The following SHANK2 variants were observed in gnomAD, a reference collection of about 807,000 sequenced individuals.
SHANK2 encodes the protein SH3 and multiple ankyrin repeat domains protein 2.
In SHANK2, 43 loss-of-function variants were observed where a neutral mutation model predicts 133.7. The observed-to-expected ratio is 0.32, with a 90% confidence interval of 0.25 to 0.41. The LOEUF (loss-of-function observed/expected upper bound fraction) is 0.41. Ranked by LOEUF, SHANK2 falls within the 10% of genes least tolerant of loss-of-function variation. SHANK2 has a pLI of 1.00. For missense variants in SHANK2, 1,994 were observed against 2,235.8 expected (o/e 0.89, Z 2.18); for synonymous variants, 1,017 against 952.8 (o/e 1.07, Z -1.24).
At chr11:70,562,142 C>T (rs537892899) in intron 17 of SHANK2, among the ~76,000 whole-genome samples, 59 of 152,236 alleles carry the variant, frequency 3.9e-4, no homozygotes, top group African/African-American at 8.7e-4. Context: ...AATACGATTC[C>T]GTTTTGGTTA....
intron 11 of SHANK2, among the ~76,000 whole-genome samples, chr11:70,867,024 A>G (rs1350898369): frequency 3.3e-5 from 5 of 151,986 alleles, no homozygotes; most frequent in African/African-American, 1.2e-4. Context: ...CAGGAGCCAA[A>G]CGAATGATAT....
At chr11:70,684,871 GGAA>G (rs1232171382) in intron 15 of SHANK2, among the ~76,000 whole-genome samples, 2 of 152,096 alleles carry the variant, frequency 1.3e-5, no homozygotes, top group African/African-American at 4.8e-5. Flanking sequence ...GTACCCTTTA[GGAA>G]GAAGAAGGGA....
intron 14 of SHANK2, among the ~76,000 whole-genome samples, chr11:70,729,056 T>C (rs144409263): frequency 0.012 from 1,856 of 151,894 alleles, 41 homozygotes; most frequent in African/African-American, 0.042. Context: ...AGTACAAAAT[T>C]AGCTGGGTGT....
At chr11:70,681,353 T>A (rs1211679502) in intron 15 of SHANK2, among the ~76,000 whole-genome samples, 2 of 152,186 alleles carry the variant, frequency 1.3e-5, no homozygotes, top group Non-Finnish European at 2.9e-5. Context: ...CATCATTTGA[T>A]GCTGCCAAAT....
chr11:70,828,776 G>C (rs755953087), intron 11 of SHANK2, among the ~76,000 whole-genome samples: 3 of 152,200 alleles, frequency 2.0e-5, no homozygotes, highest in Non-Finnish European at 2.9e-5. Flanking sequence ...TGGGGGACCC[G>C]GCTGGTCGTG....
chr11:70,816,115 A>G lies in SHANK2; in HGVS notation c.1493+4249T>C, dbSNP rs549369151. On this transcript the variant is annotated intron_variant, in intron 12 of 25. Transcript: ENST00000601538. The stretch of plus-strand genomic sequence containing the variant: ...AAGGATGAAGATGAAGACGACCCTA[A>G]GAGTGGCCGACGTTTCTGCAGAACC... 7.9e-4 allele frequency among the ~76,000 whole-genome samples: 120 copies of G among 152,366 alleles called. 1 individual carries two copies. The highest frequency in any genetic ancestry group is 8.2e-4 in the Non-Finnish European group (56 of 68,030).
intron 17 of SHANK2, among the ~76,000 whole-genome samples, chr11:70,620,314 G>A (rs782387495): frequency 1.2e-4 from 19 of 152,194 alleles, no homozygotes; most frequent in South Asian, 2.1e-4. Context: ...TTACCTTGCC[G>A]GGGCCTCATC....
intron 8 of SHANK2, among the ~76,000 whole-genome samples, chr11:71,086,620 C>G (rs1169496154): frequency 1.3e-5 from 2 of 149,708 alleles, no homozygotes; most frequent in South Asian, 4.2e-4. Context: ...TGGGCCCCAT[C>G]CAATCAGTTG....
intron 17 of SHANK2, among the ~76,000 whole-genome samples, chr11:70,574,905 T>G (rs2060096212): frequency 6.6e-6 from 1 of 152,048 alleles, no homozygotes; most frequent in South Asian, 2.1e-4. Context: ...TCCTTCCCCA[T>G]CCTCTTCATT....
intron 17 of SHANK2, among the ~76,000 whole-genome samples, chr11:70,537,958 T>C (rs1038282226): frequency 6.6e-6 from 1 of 152,118 alleles, no homozygotes; most frequent in East Asian, 1.9e-4. Flanking sequence ...TGGATTTACA[T>C]TGAGAGGGCA....
At chr11:70,864,092 G>A (rs1426340488) in intron 11 of SHANK2, 3 of 315,356 alleles carry the variant, frequency 9.5e-6, no homozygotes, top group Non-Finnish European at 1.9e-5. Flanking sequence ...CCAGTTCGGG[G>A]TGCCCACACA....
chr11:70,895,169 C>T (rs685554), intron 11 of SHANK2, among the ~76,000 whole-genome samples: 139,530 of 152,262 alleles, frequency 0.92, 64,600 homozygotes, highest in Non-Finnish European at 0.99. Context: ...TGCTTGATGA[C>T]GCAAGCCATG....
intron 14 of SHANK2, among the ~76,000 whole-genome samples, chr11:70,709,723 C>G (rs1945738516): frequency 6.6e-6 from 1 of 152,014 alleles, no homozygotes; most frequent in Admixed American, 6.6e-5. Context: ...GTGGCAGAGA[C>G]AGCTGGCAAA....
chr11:71,159,732 C>G (rs1187404261), intron 2 of SHANK2, among the ~76,000 whole-genome samples: 2 of 152,154 alleles, frequency 1.3e-5, no homozygotes, highest in Non-Finnish European at 1.5e-5. Flanking sequence ...GCCCGTAATC[C>G]CAACACTTTG....
intron 11 of SHANK2, among the ~76,000 whole-genome samples, chr11:70,850,441 G>T (rs556678978): frequency 6.6e-6 from 1 of 152,162 alleles, no homozygotes; most frequent in Non-Finnish European, 1.5e-5. Context: ...GGGGGCCAGG[G>T]TGGTGTGGTT....
At chr11:70,713,663 G>C (rs1382385746) in intron 14 of SHANK2, among the ~76,000 whole-genome samples, 5 of 152,156 alleles carry the variant, frequency 3.3e-5, no homozygotes, top group African/African-American at 1.2e-4. Context: ...CGGCAGAGCT[G>C]TCACAGCGCC....
chr11:71,234,209 A>AAT (rs1226076036), intron 1 of SHANK2, among the ~76,000 whole-genome samples: 1 of 146,510 alleles, frequency 6.8e-6, no homozygotes, highest in Non-Finnish European at 1.5e-5. Flanking sequence ...AAAAAAAAAA[A>AAT]ATATCAGCTG....
At chr11:71,125,883 G>A (rs1952173628) in intron 3 of SHANK2, among the ~76,000 whole-genome samples, 1 of 152,152 alleles carries the variant, frequency 6.6e-6, no homozygotes, top group Non-Finnish European at 1.5e-5. Flanking sequence ...TGAAGCCTAT[G>A]CTAATATATC....
chr11:71,137,383 T>G (rs1317205130), intron 3 of SHANK2, among the ~76,000 whole-genome samples: 2 of 151,154 alleles, frequency 1.3e-5, no homozygotes, highest in Non-Finnish European at 2.9e-5. Context: ...TAGAGAAAGT[T>G]ACGGTCATAG....
Sources: allele counts gnomAD v4.1 joint callset (sites outside exome capture counted in the v4.1 genomes callset), GRCh38; gene constraint gnomAD v4.1.1; transcripts MANE v1.5; gene names NCBI Gene and HGNC (gene_info 2026-07-23, HGNC 2026-07-21).